The following LRP1B variants were observed in gnomAD, a reference collection of about 807,000 sequenced individuals.
LRP1B encodes low-density lipoprotein receptor-related protein 1B.
LRP1B carries 217 observed loss-of-function variants against 556.6 expected under a neutral mutation model. The ratio of observed to expected loss-of-function variants is 0.39; its 90% CI spans 0.35 to 0.44. LRP1B has a LOEUF of 0.44. LRP1B is among the 20% of genes least tolerant of loss of function. The pLI, the probability that LRP1B is intolerant of heterozygous loss-of-function variation, is 1.00. For synonymous variants in LRP1B, 2,047 were observed against 1,865.8 expected (o/e 1.10, Z -2.50); for missense variants, 5,053 against 5,620.8 (o/e 0.90, Z 3.23).
intron 1 of LRP1B, among the ~76,000 whole-genome samples, chr2:141,973,209 T>C (rs1701794752): frequency 6.6e-6 from 1 of 151,598 alleles, no homozygotes; most frequent in African/African-American, 2.4e-5. Flanking sequence ...TCCTTTTAAA[T>C]CCTCCTAGCA....
At chr2:141,539,429 G>A (rs2105206554) in intron 2 of LRP1B, among the ~76,000 whole-genome samples, 1 of 152,218 alleles carries the variant, frequency 6.6e-6, no homozygotes, top group South Asian at 2.1e-4. Flanking sequence ...CAAATTCTAT[G>A]AAAAATTTTA....
chr2:140,766,822 AATATATATAT>A (rs34690760), intron 35 of LRP1B, among the ~76,000 whole-genome samples: 44 of 105,564 alleles, frequency 4.2e-4, no homozygotes, highest in African/African-American at 1.8e-3. Flanking sequence ...ATCTTTGTAA[AATATATATAT>A]ATATATATAT....
intron 3 of LRP1B, among the ~76,000 whole-genome samples, chr2:141,420,631 A>G (rs1478912951): frequency 6.6e-6 from 1 of 152,196 alleles, no homozygotes; most frequent in Non-Finnish European, 1.5e-5. Context: ...CAGGTAAGAC[A>G]TATTCTGGTC....
chr2:140,796,714 T>C (rs1275095425), intron 32 of LRP1B, among the ~76,000 whole-genome samples: 1 of 152,080 alleles, frequency 6.6e-6, no homozygotes, highest in Non-Finnish European at 1.5e-5. Context: ...AAGTAACTTA[T>C]CTCTTTTGAA....
intron 1 of LRP1B, among the ~76,000 whole-genome samples, chr2:142,107,256 C>T (rs1260315194): frequency 1.3e-5 from 2 of 152,062 alleles, no homozygotes; most frequent in African/African-American, 4.8e-5. Context: ...ACTTAATTCC[C>T]AATGCAATGT....
chr2:141,375,136 A>C (rs1418321015), intron 3 of LRP1B, among the ~76,000 whole-genome samples: 1 of 152,098 alleles, frequency 6.6e-6, no homozygotes, highest in East Asian at 1.9e-4. Flanking sequence ...CTTCTTTAGC[A>C]ATACACATAG....
At chr2:141,918,799 T>C (rs1330554772) in intron 1 of LRP1B, among the ~76,000 whole-genome samples, 1 of 152,132 alleles carries the variant, frequency 6.6e-6, no homozygotes, top group Non-Finnish European at 1.5e-5. Context: ...GATTTCCCCA[T>C]GCCTCAGTGA....
intron 66 of LRP1B, among the ~76,000 whole-genome samples, chr2:140,412,170 T>G (rs536133530): frequency 1.3e-5 from 2 of 152,140 alleles, no homozygotes; most frequent in African/African-American, 2.4e-5. Context: ...CTGTCTTAAC[T>G]AGGAATGACT....
At chr2:141,287,812 A>T (rs1033111389) in intron 3 of LRP1B, among the ~76,000 whole-genome samples, 11 of 152,168 alleles carry the variant, frequency 7.2e-5, no homozygotes, top group African/African-American at 2.4e-4. Flanking sequence ...CAACTGTCGC[A>T]TGTTTTTGGT....
intron 32 of LRP1B, among the ~76,000 whole-genome samples, chr2:140,796,465 T>A (rs1481042808): frequency 6.6e-6 from 1 of 152,090 alleles, no homozygotes; most frequent in Non-Finnish European, 1.5e-5. Flanking sequence ...AGATTTCACA[T>A]AGTACTTTTC....
At position 140,354,262 on chromosome 2, in the gene LRP1B, C is replaced by T. The variant is rs191063144; in HGVS notation, c.11531-1190G>A. Among the ~76,000 whole-genome samples, 383 of 152,146 alleles carry T rather than the reference C, an allele frequency of 2.5e-3. 2 individuals carry two copies. Among genetic ancestry groups the T allele is most frequent in the Non-Finnish European group, 2.4e-3 (162 of 67,996 alleles). ...GCACAGTAAGAATAACTATCTTTTG[C>T]GTAGCACACAAACAATGTTCTAAGG... is the stretch of plus-strand genomic sequence containing the variant. On this transcript the variant is annotated intron_variant, in intron 75 of 90. Transcript: ENST00000389484.
At chr2:140,873,196 C>T (rs972899300) in intron 25 of LRP1B, among the ~76,000 whole-genome samples, 4 of 151,798 alleles carry the variant, frequency 2.6e-5, no homozygotes, top group Non-Finnish European at 5.9e-5. Flanking sequence ...TTATCCCTGC[C>T]GAATATTATA....
chr2:142,044,374 G>A (rs1704179874), intron 1 of LRP1B, among the ~76,000 whole-genome samples: 1 of 151,682 alleles, frequency 6.6e-6, no homozygotes, highest in South Asian at 2.1e-4. Context: ...AAACTGGCTA[G>A]CTCCTGCTTG....
At chr2:141,431,934 T>G (rs541045098) in intron 3 of LRP1B, among the ~76,000 whole-genome samples, 4 of 152,264 alleles carry the variant, frequency 2.6e-5, no homozygotes, top group African/African-American at 9.6e-5. Context: ...TTTTTAAATC[T>G]GTATGCTTTT....
chr2:140,931,657 A>G (rs1695053098), intron 20 of LRP1B, among the ~76,000 whole-genome samples: 2 of 152,202 alleles, frequency 1.3e-5, no homozygotes, highest in Non-Finnish European at 2.9e-5. Flanking sequence ...TTCAATGTAG[A>G]GTTCTAAGTA....
chr2:141,371,117 G>A (rs148861689), intron 3 of LRP1B, among the ~76,000 whole-genome samples: 1 of 152,192 alleles, frequency 6.6e-6, no homozygotes, highest in African/African-American at 2.4e-5. Context: ...CTGAGTAGCT[G>A]GGATTACAGG....
At chr2:141,835,493 G>A (rs545916774) in intron 1 of LRP1B, among the ~76,000 whole-genome samples, 1 of 151,428 alleles carries the variant, frequency 6.6e-6, no homozygotes, top group South Asian at 2.1e-4. Flanking sequence ...GAAGGTGGTG[G>A]TGGGGGGAGG....
In LRP1B at chr2:141,049,149, G is replaced by T; in HGVS notation, c.1626C>A (p.Thr542=). Reference sequence around the variant, plus strand: ...GGATCATGTATTCATCAGCTATCTTGGTATTCAAGTCCATTCCTCTAACAA... The same window carrying T: ...GGATCATGTATTCATCAGCTATCTTTGTATTCAAGTCCATTCCTCTAACAA... ...PGIVRGMDLN[T]KIADEYMIPI... Residue 542 remains threonine, a synonymous_variant, in exon 11 of 91, where the codon ACC becomes ACA. Transcript: ENST00000389484. 2 of 1,613,462 alleles carry T rather than the reference G, an allele frequency of 1.2e-6. No individual in the cohort carries two copies. Among genetic ancestry groups the T allele is most frequent in the Non-Finnish European group, 1.7e-6 (2 of 1,179,680 alleles).
chr2:141,826,848 C>G lies in LRP1B; in HGVS notation c.83-16447G>C, dbSNP rs989253751. Among the ~76,000 whole-genome samples, 6 of 152,206 alleles carry G rather than the reference C, an allele frequency of 3.9e-5. 1 individual carries two copies. In the East Asian group the frequency reaches 1.2e-3, roughly 29 times the overall value. On this transcript the variant is annotated intron_variant, in intron 1 of 90. Coordinates refer to ENST00000389484, the MANE Select transcript of LRP1B (RefSeq NM_018557.3). Reference sequence around the variant, plus strand: ...CCTCCAAATATAGAGTCAAAATTTACCTTGCATCATTACTTTTATCTCAAA... The same window carrying G: ...CCTCCAAATATAGAGTCAAAATTTAGCTTGCATCATTACTTTTATCTCAAA...
Sources: gnomAD v4.1 joint callset for allele counts (sites outside exome capture counted in the v4.1 genomes callset) on GRCh38, gnomAD v4.1.1 for gene constraint, MANE v1.5 for transcripts, NCBI Gene and HGNC (gene_info 2026-07-23, HGNC 2026-07-21) for gene names.